The following PPHLN1 variants were observed in gnomAD, a reference collection of about 807,000 sequenced individuals.
The protein encoded by PPHLN1 is periphilin 1, also known as periphilin-1.
PPHLN1 carries 29 observed loss-of-function variants against 51.3 expected under a neutral mutation model. The observed-to-expected ratio is 0.57, with a 90% CI of 0.42 to 0.77. The LOEUF (loss-of-function observed/expected upper bound fraction) is 0.77. Among genes scored for constraint, PPHLN1 ranks in the 30% least tolerant of loss-of-function variants. PPHLN1 has a pLI of 0.00. For synonymous variants in PPHLN1, 147 were observed against 147.8 expected (o/e 0.99, Z 0.04); for missense variants, 436 against 438.4 (o/e 0.99, Z 0.05).
intron 9 of PPHLN1, among the ~76,000 whole-genome samples, chr12:42,432,660 T>G (rs2082138637): frequency 1.3e-5 from 2 of 152,244 alleles, no homozygotes; most frequent in Non-Finnish European, 2.9e-5. Context: ...TGTTCCAGTG[T>G]CTTCATCTAG....
At chr12:42,436,898 A>G (rs2082530162) in intron 9 of PPHLN1, among the ~76,000 whole-genome samples, 1 of 152,180 alleles carries the variant, frequency 6.6e-6, no homozygotes, top group Non-Finnish European at 1.5e-5. Context: ...ATATTTTTGG[A>G]CTGCAGTTTA....
chr12:42,431,719 T>C, intron 9 of PPHLN1: 1 of 1,077,646 alleles, frequency 9.3e-7, no homozygotes, highest in Non-Finnish European at 1.4e-6. Flanking sequence ...TCTTTTAAGG[T>C]ATTAATCTTT....
At chr12:42,392,109 G>A (rs2077773726) in intron 7 of PPHLN1, among the ~76,000 whole-genome samples, 1 of 152,054 alleles carries the variant, frequency 6.6e-6, no homozygotes, top group Non-Finnish European at 1.5e-5. Flanking sequence ...TTAGCTACTC[G>A]GGAGGCTGAG....
chr12:42,342,429 T>G (rs548557930), intron 2 of PPHLN1, among the ~76,000 whole-genome samples: 1 of 152,210 alleles, frequency 6.6e-6, no homozygotes, highest in Non-Finnish European at 1.5e-5. Flanking sequence ...CCAGAATGGC[T>G]TTTAAATACA....
intron 9 of PPHLN1, chr12:42,432,407 G>A (rs1320506129): frequency 1.3e-6 from 1 of 754,238 alleles, no homozygotes; most frequent in African/African-American, 1.7e-5. Context: ...ATTTCCAATG[G>A]TTTCTTTAGT....
In PPHLN1 at chr12:42,335,966, C is replaced by T; in HGVS notation, c.64C>T (p.His22Tyr). The change falls in exon 2 of 10, where the codon CAT becomes TAT. Residue 22 changes from histidine to tyrosine, a missense_variant. Transcript: ENST00000358314. The part of the protein sequence containing the change: ...IPRERAPPRS[H>Y]PSDGYNRLVN... ...GAGAGAACGAGCACCTCCTCGAAGT[C>T]ATCCCAGTGTAAGTTACTCCTACAT... 1.3e-6 allele frequency: 2 copies of T among 1,576,410 alleles called. No homozygotes were observed. Among genetic ancestry groups the T allele is most frequent in the Non-Finnish European group, 1.7e-6 (2 of 1,158,356 alleles).
intron 4 of PPHLN1, among the ~76,000 whole-genome samples, chr12:42,366,469 C>G (rs1396669608): frequency 3.3e-5 from 5 of 152,092 alleles, no homozygotes; most frequent in Admixed American, 2.0e-4. Context: ...CTCAGGTGAT[C>G]TGCCCTCCTC....
At chr12:42,395,835 T>A (rs993508037) in intron 8 of PPHLN1, among the ~76,000 whole-genome samples, 1 of 152,214 alleles carries the variant, frequency 6.6e-6, no homozygotes, top group Non-Finnish European at 1.5e-5. Flanking sequence ...ATAGAATGAA[T>A]GCTTAAGTTT....
chr12:42,442,795 AGGGTTTCATCAT>A, downstream of PPHLN1: 3 of 1,610,482 alleles, frequency 1.9e-6, no homozygotes, highest in Non-Finnish European at 2.5e-6. Context: ...TTCTCAAGCT[AGGGTTTCATCAT>A]GGGACAACAG....
At chr12:42,361,067 A>G (rs1215327180) in intron 4 of PPHLN1, among the ~76,000 whole-genome samples, 1 of 152,128 alleles carries the variant, frequency 6.6e-6, no homozygotes, top group African/African-American at 2.4e-5. Context: ...CCCCAAATTC[A>G]TGTTGAAACC....
chr12:42,405,825 A>C (rs1026208569), intron 9 of PPHLN1, among the ~76,000 whole-genome samples: 2 of 152,142 alleles, frequency 1.3e-5, no homozygotes, highest in Non-Finnish European at 2.9e-5. Context: ...AGCCATGCTA[A>C]ACTCTGCTAT....
Position 42,400,797 on chromosome 12 carries a change from TTCACA to T in PPHLN1, c.909+1804_909+1808del, listed in dbSNP as rs1565944614. 2.2e-3 allele frequency among the ~76,000 whole-genome samples: 209 copies of T among 95,758 alleles called. 1 individual carries two copies. Among genetic ancestry groups the T allele is most frequent in the East Asian group, 0.015 (43 of 2,960 alleles). 62.8% of individuals were successfully genotyped at this position (95,758 alleles called of 152,430 possible). A position where few individuals can be genotyped will look rare whatever the true frequency, so the allele number is the denominator to read the frequency against. On this transcript the variant is annotated intron_variant, in intron 9 of 9. Coordinates refer to ENST00000358314, the MANE Select transcript of PPHLN1 (RefSeq NM_201439.2). Reference sequence around the variant, plus strand: ...TCTTTCTCTCTCTCTCTCTCTCTCTTTCACACACACACACACACACACACACACAC... The same window carrying T: ...TCTTTCTCTCTCTCTCTCTCTCTCTTCACACACACACACACACACACACAC...
At chr12:42,388,409 A>G (rs1445656957) in intron 7 of PPHLN1, among the ~76,000 whole-genome samples, 1 of 151,954 alleles carries the variant, frequency 6.6e-6, no homozygotes, top group Non-Finnish European at 1.5e-5. Flanking sequence ...CAGGCATAGT[A>G]CCTCCCCTTG....
chr12:42,332,688 C>T, intron 1 of PPHLN1: 1 of 1,559,554 alleles, frequency 6.4e-7, no homozygotes, highest in Non-Finnish European at 8.8e-7. Flanking sequence ...AAATTTGATT[C>T]CTAAAAGGAC....
intron 8 of PPHLN1, among the ~76,000 whole-genome samples, chr12:42,395,112 A>T (rs1206495713): frequency 6.6e-6 from 1 of 152,092 alleles, no homozygotes; most frequent in Non-Finnish European, 1.5e-5. Context: ...TCTTGAATGC[A>T]TCTTGACACT....
At chr12:42,377,418 G>A (rs1314223442) in intron 5 of PPHLN1, among the ~76,000 whole-genome samples, 3 of 148,298 alleles carry the variant, frequency 2.0e-5, no homozygotes, top group African/African-American at 7.5e-5. Flanking sequence ...CAATTTTCCT[G>A]CCTCAGTCTC....
chr12:42,397,237 G>A (rs2078321356), intron 8 of PPHLN1, among the ~76,000 whole-genome samples: 1 of 152,136 alleles, frequency 6.6e-6, no homozygotes. Flanking sequence ...AATCACTAGT[G>A]TTGGAGATAA....
downstream of PPHLN1, chr12:42,446,510 C>A: frequency 6.5e-7 from 1 of 1,529,642 alleles, no homozygotes; most frequent in South Asian, 1.2e-5. Flanking sequence ...GAAAGACCCC[C>A]ACTCCTGGGG....
rs186757940 is a variant in PPHLN1 at position 42,370,365 on chromosome 12, T to G, written c.300-4498T>G. On this transcript the variant is annotated intron_variant, in intron 4 of 9. Coordinates refer to ENST00000358314, the MANE Select transcript of PPHLN1 (RefSeq NM_201439.2). ...GCCCCAGAGGATCAGTAAAACTTTCTAATTTGCATAAAGCCTCCATTCACA... is the reference window on the plus strand; with the variant it reads ...GCCCCAGAGGATCAGTAAAACTTTCGAATTTGCATAAAGCCTCCATTCACA... 2.0e-5 allele frequency among the ~76,000 whole-genome samples: 3 copies of G among 152,376 alleles called. No homozygotes were observed. The East Asian group carries it at 5.8e-4, about 29-fold the overall frequency.
Sources: gnomAD v4.1 joint callset for allele counts (sites outside exome capture counted in the v4.1 genomes callset) on GRCh38, gnomAD v4.1.1 for gene constraint, MANE v1.5 for transcripts, NCBI Gene and HGNC (gene_info 2026-07-23, HGNC 2026-07-21) for gene names.